Variants in ZNF862 observed in about 807,000 individuals in gnomAD.
ZNF862 encodes zinc finger protein 862.
A neutral mutation model predicts 91.1 loss-of-function variants in ZNF862; 64 were observed. The observed-to-expected ratio is 0.70, with a 90% CI of 0.57 to 0.87. ZNF862 has a LOEUF of 0.87. Ranked by LOEUF, ZNF862 falls within the 40% of genes least tolerant of loss-of-function variation. ZNF862 has a pLI of 0.00. For missense variants in ZNF862, 1,459 were observed against 1,528.0 expected, an observed-to-expected ratio of 0.95 and a Z score of 0.75; for synonymous variants, 631 against 618.1, an observed-to-expected ratio of 1.02 and a Z score of -0.31.
At position 149,861,657 on chromosome 7, in the gene ZNF862, C is replaced by G. The variant is rs767393878; in HGVS notation, c.2497C>G (p.Arg833Gly). The G allele has an allele frequency of 1.6e-5, 26 of 1,608,786 alleles. No individual in the cohort carries two copies. The South Asian group carries it at 2.8e-4, about 17-fold the overall frequency. The change falls in exon 7 of 8, where the codon CGC (arginine) becomes GGC (glycine). Residue 833 changes from arginine (R) to glycine (G), a missense_variant. Arg to Gly is a moderately radical substitution (Grantham distance 125). Transcript: ENST00000223210. This position sits in a 1 kb window ranked among gnomAD's most constrained non-coding sequence, Gnocchi z 6.7. ...GGCCAAAGGGATGCTGAAGCTCATG[C>G]GCGGCTTCCACTTTGTCAAGTTCTG... ...HRAKGMLKLM[R>G]GFHFVKFCHF...
At position 149,850,603 on chromosome 7, in the gene ZNF862, T is replaced by G; in HGVS notation, c.1117+265T>G. The G allele has an allele frequency of 2.5e-6, 1 of 399,634 alleles. No homozygotes were observed. 24.8% of individuals were successfully genotyped at this position (399,634 alleles called of 1,614,324 possible). A position where few individuals can be genotyped will look rare whatever the true frequency, so the allele number is the denominator to read the frequency against. ...GTGCCAGATGAACACAGCTGATCCATGGTCTCTGCTTTCAAGGGCCTAGCA... is the reference window on the plus strand; with the variant it reads ...GTGCCAGATGAACACAGCTGATCCAGGGTCTCTGCTTTCAAGGGCCTAGCA... On this transcript the variant is annotated intron_variant, in intron 5 of 7. Coordinates refer to ENST00000223210, the MANE Select transcript of ZNF862 (RefSeq NM_001099220.3). The surrounding 1 kb of genome is among the most constrained non-coding windows in gnomAD (Gnocchi z 4.2).
In ZNF862 at chr7:149,838,651, C is replaced by T; in HGVS notation, c.24+16C>T. The T allele has an allele frequency of 2.5e-6, 3 of 1,221,954 alleles. No homozygotes were observed. The highest frequency in any genetic ancestry group is 4.2e-5 in the South Asian group (1 of 23,948). 75.7% of individuals were successfully genotyped at this position (1,221,954 alleles called of 1,614,324 possible). A position where few individuals can be genotyped will look rare whatever the true frequency, so the allele number is the denominator to read the frequency against. On this transcript the variant is annotated intron_variant, in intron 1 of 7. Coordinates refer to ENST00000223210, the MANE Select transcript of ZNF862 (RefSeq NM_001099220.3). ...GTCGGGGAAGGTAGGACTGGAAGGC[C>T]CGGGGGCCGCCCGCTCCCTCCCGAG... is the stretch of plus-strand genomic sequence containing the variant.
intron 7 of ZNF862, among the ~76,000 whole-genome samples, chr7:149,863,666 T>C (rs968456888): frequency 1.3e-5 from 2 of 152,166 alleles, no homozygotes; most frequent in African/African-American, 4.8e-5. Flanking sequence ...CCAGCACAGA[T>C]TGGTCCAAAC....
Position 149,860,633 on chromosome 7 carries a change from A to G in ZNF862, c.1473A>G (p.Ile491Met), listed in dbSNP as rs150950104. 3.0e-4 allele frequency: 489 copies of G among 1,614,052 alleles called. 2 individuals carry two copies. In the African/African-American group the frequency reaches 5.4e-3, roughly 18 times the overall value. Residue 491 changes from isoleucine (I) to methionine (M), a missense_variant, in exon 7 of 8, where the codon ATA becomes ATG. Coordinates refer to ENST00000223210, the MANE Select transcript of ZNF862 (RefSeq NM_001099220.3). The part of the protein sequence containing the change: ...KETKLFCSAC[I>M]ERPNLHDKSS... ...CCAAACTCTTCTGCTCAGCCTGCAT[A>G]GAAAGACCTAATCTCCATGATAAAT... is the stretch of plus-strand genomic sequence containing the variant.
At chr7:149,847,460 C>T (rs1019255924) in intron 3 of ZNF862, among the ~76,000 whole-genome samples, 7 of 151,894 alleles carry the variant, frequency 4.6e-5, no homozygotes, top group Non-Finnish European at 8.8e-5. Flanking sequence ...TCCTTTTGGC[C>T]GGTTGTATCT....
rs746110616 is a variant in ZNF862, at chr7:149,862,224, C to T, written c.3064C>T (p.Leu1022=). The T allele has an allele frequency of 1.1e-5, 18 of 1,613,656 alleles. No homozygotes were observed. The highest frequency in any genetic ancestry group is 1.1e-4 in the East Asian group (5 of 44,878). Residue 1022 remains leucine, a synonymous_variant, in exon 7 of 8, where the codon CTA becomes TTA. Coordinates refer to ENST00000223210, the MANE Select transcript of ZNF862 (RefSeq NM_001099220.3). ...GGCCCAGCACTGCCGCTTCCCCCTG[C>T]TAAGCAAGCTCATGGCCGTGGTGGT... ...ALAQHCRFPL[L]SKLMAVVVCV...
chr7:149,867,370 G>A lies in ZNF862; in HGVS notation c.*3086G>A, dbSNP rs1563132018. 6.6e-6 allele frequency: 1 copy of A among 152,190 alleles called. No homozygotes were observed. The highest frequency in any genetic ancestry group is 2.4e-5 in the African/African-American group (1 of 41,434). 9.4% of individuals were successfully genotyped at this position (152,190 alleles called of 1,614,324 possible). A position where few individuals can be genotyped will look rare whatever the true frequency, so the allele number is the denominator to read the frequency against. ...TTAGCCAAATACAGTAACTGTGACT[G>A]GCCCAGGGATGTTCTCTCCTCTATT... is the stretch of plus-strand genomic sequence containing the variant. On this transcript the variant is annotated 3_prime_UTR_variant, in exon 8 of 8. Coordinates refer to ENST00000223210, the MANE Select transcript of ZNF862 (RefSeq NM_001099220.3).
chr7:149,840,540 C>G (rs973673371), intron 1 of ZNF862, among the ~76,000 whole-genome samples: 1 of 152,092 alleles, frequency 6.6e-6, no homozygotes, highest in Non-Finnish European at 1.5e-5. Flanking sequence ...TTCACATTCT[C>G]TCACCACTCA....
In ZNF862 at chr7:149,838,435, G is replaced by A; in HGVS notation, c.-177G>A. ...GTCTCAGCTCAGCGCGCTTATCCTG[G>A]GTCCACCGGCGCTACCGCCCCCCGA... On this transcript the variant is annotated 5_prime_UTR_variant, in exon 1 of 8. Transcript: ENST00000223210. 1 of 407,396 alleles carries A rather than the reference G, an allele frequency of 2.5e-6. No homozygotes were observed. Among genetic ancestry groups the A allele is most frequent in the Non-Finnish European group, 4.3e-6 (1 of 235,028 alleles). The allele number at this position is 407,396 out of a possible 1,614,324, so 25.2% of individuals were successfully genotyped here.
chr7:149,860,151 C>CCGTA, intron 6 of ZNF862: 1 of 545,530 alleles, frequency 1.8e-6, no homozygotes. Flanking sequence ...GGTTGGGGCG[C>CCGTA]TGGTGAAAGA....
Position 149,848,375 on chromosome 7 carries a change from C to A in ZNF862, c.882C>A (p.Ile294=). The change falls in exon 4 of 8, where the codon ATC becomes ATA. Residue 294 remains isoleucine (I), a synonymous_variant. Coordinates refer to ENST00000223210, the MANE Select transcript of ZNF862 (RefSeq NM_001099220.3). ...DLRQKEITDG[I]HSSSDINILY... ...GGCAAAAAGAAATCACTGATGGCAT[C>A]CACAGCTCCTCAGACATTAATATTT... 6.2e-7 allele frequency: 1 copy of A among 1,602,460 alleles called. No individual in the cohort carries two copies.
At chr7:149,841,399 C>A in intron 1 of ZNF862, 2 of 985,072 alleles carry the variant, frequency 2.0e-6, no homozygotes, top group Non-Finnish European at 2.4e-6. Flanking sequence ...GACTTTTCCC[C>A]ATCATGTTCT....
At position 149,850,354 on chromosome 7, in the gene ZNF862, G is replaced by A. The variant is rs778805022; in HGVS notation, c.1117+16G>A. The A allele has an allele frequency of 3.7e-5, 60 of 1,600,338 alleles. No homozygotes were observed. The highest frequency in any genetic ancestry group is 5.1e-5 in the Non-Finnish European group (60 of 1,172,138). On this transcript the variant is annotated intron_variant, in intron 5 of 7. Transcript: ENST00000223210. This position sits in a 1 kb window ranked among gnomAD's most constrained non-coding sequence, Gnocchi z 4.2. ...GCATCCTTGGGTAAAGACGCACCGA[G>A]CCTCTTATTCACCACCCTCCTTTGA...
rs899630552 is a variant in ZNF862 at position 149,850,974 on chromosome 7, A to G, written c.1117+636A>G. The G allele has an allele frequency of 6.6e-6, 1 of 152,538 alleles. No individual in the cohort carries two copies. 9.4% of individuals were successfully genotyped at this position (152,538 alleles called of 1,614,324 possible). On this transcript the variant is annotated intron_variant, in intron 5 of 7. Transcript: ENST00000223210. The surrounding 1 kb of genome is among the most constrained non-coding windows in gnomAD (Gnocchi z 4.2). ...AGTCATGGGGTTTGGACCTTGGCAG[A>G]TTAGGAAGAGGGCAGTGCTTCTTGC... is the stretch of plus-strand genomic sequence containing the variant.
chr7:149,866,985 A>C lies in ZNF862; in HGVS notation c.*2701A>C, dbSNP rs1315973129. On this transcript the variant is annotated 3_prime_UTR_variant, in exon 8 of 8. Transcript: ENST00000223210. ...AACCACAGGGCTCTGGGAGGGGAAG[A>C]AGCATGCACTCCCGCTTTGGCTGGA... The C allele has an allele frequency of 6.6e-6, 1 of 152,302 alleles. No homozygotes were observed. The highest frequency in any genetic ancestry group is 2.1e-4 in the South Asian group (1 of 4,826). 9.4% of individuals were successfully genotyped at this position (152,302 alleles called of 1,614,324 possible).
Position 149,860,669 on chromosome 7 carries a change from A to G in ZNF862, c.1509A>G (p.Leu503=). ...RPNLHDKSSR[L]VRGYTGPFKV... is the part of the protein sequence containing the mutation. ...ATCTCCATGATAAATCATCTCGGTT[A>G]GTCAGAGGTTACACGGGGCCTTTTA... Residue 503 remains leucine, a synonymous_variant, in exon 7 of 8, where the codon TTA becomes TTG. Transcript: ENST00000223210. The G allele has an allele frequency of 6.2e-7, 1 of 1,614,054 alleles. No individual in the cohort carries two copies. The highest frequency in any genetic ancestry group is 8.5e-7 in the Non-Finnish European group (1 of 1,179,904).
Position 149,850,451 on chromosome 7 carries a change from C to T in ZNF862, c.1117+113C>T. Reference sequence around the variant, plus strand: ...TTCCTGCCCCCTCCCTGTGTGTAGGCAGAGACCGATCCTGTCTTTTGCACC... The same window carrying T: ...TTCCTGCCCCCTCCCTGTGTGTAGGTAGAGACCGATCCTGTCTTTTGCACC... On this transcript the variant is annotated intron_variant, in intron 5 of 7. Coordinates refer to ENST00000223210, the MANE Select transcript of ZNF862 (RefSeq NM_001099220.3). The surrounding 1 kb of genome is among the most constrained non-coding windows in gnomAD (Gnocchi z 4.2). 1.7e-6 allele frequency: 2 copies of T among 1,145,962 alleles called. No individual in the cohort carries two copies. The highest frequency in any genetic ancestry group is 2.4e-6 in the Non-Finnish European group (2 of 823,480). 71.0% of individuals were successfully genotyped at this position (1,145,962 alleles called of 1,614,324 possible). A position where few individuals can be genotyped will look rare whatever the true frequency, so the allele number is the denominator to read the frequency against.
chr7:149,848,177 GGCC>G lies in ZNF862; in HGVS notation c.685_687del (p.Ala229del). On this transcript the variant is annotated inframe_deletion, in exon 4 of 8. Coordinates refer to ENST00000223210, the MANE Select transcript of ZNF862 (RefSeq NM_001099220.3). ...TCAGAGACCCACCTGGAGATGTTCT[GGCC>G]AGCCCGGAGCCGCTCTTCACTGCAG... 4 of 1,613,984 alleles carry G rather than the reference GGCC, an allele frequency of 2.5e-6. No homozygotes were observed. Among genetic ancestry groups the G allele is most frequent in the Non-Finnish European group, 3.4e-6 (4 of 1,179,884 alleles).
intron 5 of ZNF862, chr7:149,856,470 G>A (rs1489320950): frequency 6.6e-6 from 1 of 152,196 alleles, no homozygotes; most frequent in Non-Finnish European, 1.5e-5. Flanking sequence ...TGCCTTCATT[G>A]TCGGACTCTT....
Sources: gnomAD v4.1 joint callset for allele counts (sites outside exome capture counted in the v4.1 genomes callset) on GRCh38, gnomAD v4.1.1 for gene constraint, Gnocchi (gnomAD v3.1) non-coding constraint, MANE v1.5 for transcripts, NCBI Gene and HGNC (gene_info 2026-07-23, HGNC 2026-07-21) for gene names.